GIPR: variants seen among roughly 807,000 people sequenced by gnomAD.
The protein encoded by GIPR is gastric inhibitory polypeptide receptor, also known as GIP-R.
Under a neutral mutation model 62.2 loss-of-function variants are expected in GIPR, and 74 were observed. The observed-to-expected ratio is 1.19, with a 90% CI of 0.99 to 1.44. GIPR has a LOEUF of 1.44. GIPR is among the 40% of genes most tolerant of loss of function. The pLI, the probability that GIPR is intolerant of heterozygous loss-of-function variation, is 0.00. For missense variants in GIPR, 664 were observed against 611.8 expected (o/e 1.09, Z -0.90); for synonymous variants, 256 against 262.2 (o/e 0.98, Z 0.23).
At position 45,674,774 on chromosome 19, in the gene GIPR, T is replaced by C; in HGVS notation, c.581T>C (p.Leu194Pro). Residue 194 changes from leucine (L) to proline (P), a missense_variant, in exon 7 of 14, where the codon CTA becomes CCA. Leu to Pro is a moderately conservative substitution (Grantham distance 98, BLOSUM62 -3). Transcript: ENST00000590918. ...AAAILSRDRLLPRPGPYLGDQ... is the reference protein window; with the variant it reads ...AAAILSRDRLPPRPGPYLGDQ... ...GCCATTCTCAGCCGAGACCGTCTGC[T>C]ACCTCGACCTGGCCCCTACCTTGGG... 6.2e-7 allele frequency: 1 copy of C among 1,613,986 alleles called. No individual in the cohort carries two copies. The highest frequency in any genetic ancestry group is 8.5e-7 in the Non-Finnish European group (1 of 1,179,958).
At position 45,674,130 on chromosome 19, in the gene GIPR, G is replaced by T. The variant is rs1177957789; in HGVS notation, c.441G>T (p.Leu147=). ...LQVMYTVGYS[L]SLATLLLALL... ...TCATGTACACTGTCGGCTACTCCCT[G>T]TCTCTCGCCACACTGCTGCTAGCCC... The change falls in exon 6 of 14, where the codon CTG becomes CTT. Residue 147 remains leucine (L), a synonymous_variant. Coordinates refer to ENST00000590918, the MANE Select transcript of GIPR (RefSeq NM_000164.4). The T allele has an allele frequency of 6.2e-7, 1 of 1,613,766 alleles. No individual in the cohort carries two copies. Among genetic ancestry groups the T allele is most frequent in the African/African-American group, 1.3e-5 (1 of 74,898 alleles).
chr19:45,674,171 T>TG lies in GIPR; in HGVS notation c.483dup (p.Phe162ValfsTer8), dbSNP rs1568520795. 3.1e-6 allele frequency: 5 copies of TG among 1,608,676 alleles called. No homozygotes were observed. Among genetic ancestry groups the TG allele is most frequent in the Middle Eastern group, 1.7e-4 (1 of 6,048 alleles). On this transcript the variant is annotated frameshift_variant, in exon 6 of 14. Transcript: ENST00000590918. LOFTEE classifies it high-confidence loss of function. Reference sequence around the variant, plus strand: ...CTGCTAGCCCTGCTCATCTTGAGTTTGTTCAGGTGGGACCTTAACCCTGAG... The same window carrying TG: ...CTGCTAGCCCTGCTCATCTTGAGTTTGGTTCAGGTGGGACCTTAACCCTGAG...
chr19:45,678,677 A>G (rs1025324333), intron 12 of GIPR, among the ~76,000 whole-genome samples: 6 of 152,134 alleles, frequency 3.9e-5, no homozygotes, highest in Admixed American at 6.5e-5. Flanking sequence ...CATTCATTCG[A>G]TACAAAATAC....
Position 45,679,157 on chromosome 19 carries a change from T to G in GIPR, c.1152+931T>G, listed in dbSNP as rs527568618. Among the ~76,000 whole-genome samples the G allele has an allele frequency of 5.2e-4, 79 of 152,070 alleles. 1 individual carries two copies. Among genetic ancestry groups the G allele is most frequent in the African/African-American group, 1.7e-3 (72 of 41,470 alleles). On this transcript the variant is annotated intron_variant, in intron 12 of 13. Transcript: ENST00000590918. ...GAACCAAATGGTCCCTACCCTCCAG[T>G]GGGAAAGACACACTAAACACACTAT...
rs375292744 is a variant in GIPR at position 45,677,963 on chromosome 19, C to G, written c.982C>G (p.Arg328Gly). Residue 328 changes from arginine (R) to glycine (G), a missense_variant, in exon 11 of 14, where the codon CGG becomes GGG. Physicochemically the swap from Arg to Gly is moderately radical, Grantham distance 125 (BLOSUM62 -2). Transcript: ENST00000590918. Reference protein sequence around the residue: ...LGILLSKLRTRQMRCRDYRLR... With the variant: ...LGILLSKLRTGQMRCRDYRLR... The stretch of plus-strand genomic sequence containing the variant: ...CATTCTCCTGTCCAAGCTGAGGACA[C>G]GGCAAATGCGCTGCCGGGATTACCG... 1 of 1,614,000 alleles carries G rather than the reference C, an allele frequency of 6.2e-7. No homozygotes were observed. The highest frequency in any genetic ancestry group is 1.3e-5 in the African/African-American group (1 of 75,050).
At chr19:45,674,025 T>G (rs1222390641) in intron 5 of GIPR, 49 bp from the exon 6 acceptor site, 1 of 1,067,472 alleles carries the variant, frequency 9.4e-7, no homozygotes, top group Non-Finnish European at 1.5e-6. Flanking sequence ...TCTCTGGGCC[T>G]GGGGCTTCGA....
chr19:45,677,685 C>G (rs1041549273), intron 9 of GIPR, 25 bp from the exon 10 acceptor site: 1 of 1,594,862 alleles, frequency 6.3e-7, no homozygotes, highest in Non-Finnish European at 8.6e-7. Flanking sequence ...TTTTCTATCT[C>G]TTAGCTCTAC....
At chr19:45,670,390 T>C (rs981340831) in intron 2 of GIPR, 1 of 448,498 alleles carries the variant, frequency 2.2e-6, no homozygotes, top group Non-Finnish European at 4.0e-6. Context: ...CAAGTCCTCC[T>C]GATAATTTCC....
rs2146057590 is a variant in GIPR, at chr19:45,668,269, G to C, written c.-74G>C. The C allele has an allele frequency of 6.6e-6, 1 of 152,414 alleles. No individual in the cohort carries two copies. The highest frequency in any genetic ancestry group is 6.6e-5 in the Admixed American group (1 of 15,246). The allele number at this position is 152,414 out of a possible 1,614,324, so 9.4% of individuals were successfully genotyped here. A position where few individuals can be genotyped will look rare whatever the true frequency, so the allele number is the denominator to read the frequency against. On this transcript the variant is annotated 5_prime_UTR_variant, in exon 1 of 14. Transcript: ENST00000590918. ...GGCAGCGGTGGCAGGGGCTGCAGGA[G>C]CAAGTGACCAGGAGCAGGACTGGGG...
chr19:45,672,992 G>A (rs1404623313), intron 5 of GIPR, 38 bp downstream of exon 5: 11 of 1,209,730 alleles, frequency 9.1e-6, no homozygotes, highest in Non-Finnish European at 1.4e-5. Context: ...GGAGTCCAGG[G>A]AGAGATGGAA....
rs2146109893 is a variant in GIPR, at chr19:45,683,561, C to T, written c.*1626C>T. On this transcript the variant is annotated 3_prime_UTR_variant, in exon 14 of 14. Coordinates refer to ENST00000590918, the MANE Select transcript of GIPR (RefSeq NM_000164.4). The stretch of plus-strand genomic sequence containing the variant: ...CGTATGGGTGTTGTCGAGCATTTTC[C>T]CTGGGGTCTGTGGCTCCCTGGACCG... 6.6e-6 allele frequency: 1 copy of T among 152,352 alleles called. No homozygotes were observed. The highest frequency in any genetic ancestry group is 1.9e-4 in the East Asian group (1 of 5,176). The allele number at this position is 152,352 out of a possible 1,614,324, so 9.4% of individuals were successfully genotyped here.
chr19:45,674,219 T>C (rs376978300), intron 6 of GIPR, 42 bp downstream of exon 6: 12 of 1,282,702 alleles, frequency 9.4e-6, no homozygotes, highest in Middle Eastern at 1.8e-4. Context: ...AGATGTGAGC[T>C]CGGCCTCAGT....
At chr19:45,676,167 C>T (rs1975842398) in intron 7 of GIPR, among the ~76,000 whole-genome samples, 2 of 146,328 alleles carry the variant, frequency 1.4e-5, no homozygotes, top group African/African-American at 5.1e-5. Flanking sequence ...CGTGCCATTG[C>T]GCTCCAGCCT....
In GIPR at chr19:45,681,854, C is replaced by T. The variant is rs932768710; in HGVS notation, c.1320C>T (p.Val440=). The change falls in exon 14 of 14, where the codon GTC becomes GTT. Residue 440 remains valine (V), a synonymous_variant. Coordinates refer to ENST00000590918, the MANE Select transcript of GIPR (RefSeq NM_000164.4). ...ALPSGSGPGE[V]PTSRGLSSGT... ...CCTCCGGCTCCGGCCCGGGCGAGGT[C>T]CCCACCAGCCGCGGCTTGTCCTCGG... 2 of 1,554,258 alleles carry T rather than the reference C, an allele frequency of 1.3e-6. No homozygotes were observed. Among genetic ancestry groups the T allele is most frequent in the Non-Finnish European group, 1.7e-6 (2 of 1,148,556 alleles).
At chr19:45,673,419 CAAAA>C (rs71175203) in intron 5 of GIPR, among the ~76,000 whole-genome samples, 7,933 of 82,438 alleles carry the variant, frequency 0.096, 202 homozygotes, top group Middle Eastern at 0.18. Flanking sequence ...GACTCCATCT[CAAAA>C]AAAAAAAAAA....
In GIPR at chr19:45,677,705, C is replaced by T. The variant is rs1045126883; in HGVS notation, c.855-5C>T. ...TATCTCTTAGCTCTACTCCGCCTTC[C>T]CCAGGTGCTGGGAGCGCAACGAAGT... On this transcript the variant is annotated splice_polypyrimidine_tract_variant and splice_region_variant and intron_variant, in intron 9 of 13. Coordinates refer to ENST00000590918, the MANE Select transcript of GIPR (RefSeq NM_000164.4). The T allele has an allele frequency of 6.2e-7, 1 of 1,610,758 alleles. No individual in the cohort carries two copies. The highest frequency in any genetic ancestry group is 8.5e-7 in the Non-Finnish European group (1 of 1,177,054).
chr19:45,671,172 C>G (rs545686530), intron 3 of GIPR, 113 bp from the exon 4 acceptor site: 8 of 754,348 alleles, frequency 1.1e-5, no homozygotes, highest in Non-Finnish European at 1.7e-5. Context: ...TTGGTGTGGC[C>G]GGCGGAGAAG....
intron 2 of GIPR, chr19:45,670,340 G>T (rs77265922): frequency 3.8e-4 from 121 of 318,676 alleles, no homozygotes; most frequent in Non-Finnish European, 5.8e-4. Flanking sequence ...GCCCAGATTC[G>T]AGTTTTGATT....
At chr19:45,677,626 G>A (rs964314040) in intron 9 of GIPR, 84 bp from the exon 10 acceptor site, 19 of 1,092,492 alleles carry the variant, frequency 1.7e-5, no homozygotes, top group Non-Finnish European at 2.7e-5. Flanking sequence ...CAAGTGCGGT[G>A]GGCGGGGCCT....
Sources: allele counts gnomAD v4.1 joint callset (sites outside exome capture counted in the v4.1 genomes callset), GRCh38; gene constraint gnomAD v4.1.1; transcripts MANE v1.5; gene names NCBI Gene and HGNC (gene_info 2026-07-23, HGNC 2026-07-21).